The following PRDM7 variants were observed in gnomAD, a reference collection of about 807,000 sequenced individuals.
PRDM7 encodes PR/SET domain 7.
A neutral mutation model predicts 64.3 loss-of-function variants in PRDM7; 52 were observed. The ratio of observed to expected loss-of-function variants is 0.81; its 90% confidence interval spans 0.65 to 1.02. PRDM7 has a LOEUF of 1.02. Among genes scored for constraint, PRDM7 ranks in the 50% least tolerant of loss-of-function variants. The pLI is 0.00. For synonymous variants in PRDM7, 192 were observed against 210.1 expected (o/e 0.91, Z 0.74); for missense variants, 574 against 597.1 (o/e 0.96, Z 0.40).
intron 4 of PRDM7, chr16:90,070,023 C>G (rs1439365902): frequency 6.4e-6 from 1 of 155,412 alleles, no homozygotes; most frequent in African/African-American, 2.6e-5. Context: ...CCATTGCACT[C>G]CAGCCGGGGT....
chr16:90,058,094 A>G lies in PRDM7; in HGVS notation c.*195T>C. The G allele has an allele frequency of 4.3e-6, 7 of 1,613,630 alleles. No individual in the cohort carries two copies. Among genetic ancestry groups the G allele is most frequent in the African/African-American group, 1.3e-5 (1 of 74,936 alleles). ...GACTTATCACTGAAACCTTGCCCAC[A>G]CTCTCCATATTTGACTTTCGCAATT... On this transcript the variant is annotated 3_prime_UTR_variant, in exon 11 of 11. Transcript: ENST00000449207.
Position 90,057,605 on chromosome 16 carries a change from C to T in PRDM7, c.*684G>A. 2.5e-6 allele frequency: 2 copies of T among 796,016 alleles called. No homozygotes were observed. Among genetic ancestry groups the T allele is most frequent in the Admixed American group, 3.8e-5 (1 of 26,018 alleles). 49.3% of individuals were successfully genotyped at this position (796,016 alleles called of 1,614,324 possible). On this transcript the variant is annotated 3_prime_UTR_variant, in exon 11 of 11. Coordinates refer to ENST00000449207, the MANE Select transcript of PRDM7 (RefSeq NM_001098173.2). ...AGGGGATCAGTGCGGGAAACAACCA[C>T]ACATGTTGACGTCCCCCGAACACTT...
chr16:90,057,789 C>A lies in PRDM7; in HGVS notation c.*500G>T. ...CTGGGGTGTGCAAGTGTGTGGTGAT[C>A]ACGTTTGTCTTCTTGTGGCTATTGA... On this transcript the variant is annotated 3_prime_UTR_variant, in exon 11 of 11. Coordinates refer to ENST00000449207, the MANE Select transcript of PRDM7 (RefSeq NM_001098173.2). 1 of 1,353,988 alleles carries A rather than the reference C, an allele frequency of 7.4e-7. No individual in the cohort carries two copies. The highest frequency in any genetic ancestry group is 1.2e-5 in the South Asian group (1 of 82,272). The allele number at this position is 1,353,988 out of a possible 1,614,324, so 83.9% of individuals were successfully genotyped here.
At position 90,075,842 on chromosome 16, in the gene PRDM7, C is replaced by T. The variant is rs2038029293; in HGVS notation, c.69G>A (p.Met23Ile). 6.2e-7 allele frequency: 1 copy of T among 1,613,746 alleles called. No homozygotes were observed. Residue 23 changes from methionine (M) to isoleucine (I), a missense_variant and splice_region_variant, in exon 2 of 11, where the codon ATG (methionine) becomes ATA (isoleucine). Transcript: ENST00000449207. This position sits in a 1 kb window ranked among gnomAD's most constrained non-coding sequence, Gnocchi z 4.3. ...GDTERTERKPMVKDAFKDISI... is the reference protein window; with the variant it reads ...GDTERTERKPIVKDAFKDISI... ...TGGCTTCGCCTCCCCGACTTCTCACCATGGGCTTCCGCTCTGTTCTCTCTG... is the reference window on the plus strand; with the variant it reads ...TGGCTTCGCCTCCCCGACTTCTCACTATGGGCTTCCGCTCTGTTCTCTCTG...
Position 90,075,716 on chromosome 16 carries a change from C to T in PRDM7, c.69+126G>A. 1 of 1,348,810 alleles carries T rather than the reference C, an allele frequency of 7.4e-7. No homozygotes were observed. Among genetic ancestry groups the T allele is most frequent in the Non-Finnish European group, 1.0e-6 (1 of 966,480 alleles). 83.6% of individuals were successfully genotyped at this position (1,348,810 alleles called of 1,614,324 possible). ...GTTCTTTTCTCCCCCATGTCCTGGCCAGGACCAGCTGCCCCCATTCCATGC... is the reference window on the plus strand; with the variant it reads ...GTTCTTTTCTCCCCCATGTCCTGGCTAGGACCAGCTGCCCCCATTCCATGC... On this transcript the variant is annotated intron_variant, in intron 2 of 10. Coordinates refer to ENST00000449207, the MANE Select transcript of PRDM7 (RefSeq NM_001098173.2). This position sits in a 1 kb window ranked among gnomAD's most constrained non-coding sequence, Gnocchi z 4.3.
intron 5 of PRDM7, among the ~76,000 whole-genome samples, chr16:90,065,613 T>C (rs1393876331): frequency 6.6e-6 from 1 of 150,488 alleles, no homozygotes; most frequent in Non-Finnish European, 1.5e-5. Context: ...TGCATGCCTG[T>C]GGTCCCAGCT....
chr16:90,059,119 TTTAA>T (rs1357388777), intron 10 of PRDM7, among the ~76,000 whole-genome samples: 1 of 152,158 alleles, frequency 6.6e-6, no homozygotes, highest in Admixed American at 6.5e-5. Flanking sequence ...AAAGGACATA[TTTAA>T]TTGAGGACTG....
chr16:90,064,097 C>T (rs759903126), intron 5 of PRDM7, among the ~76,000 whole-genome samples: 11 of 152,140 alleles, frequency 7.2e-5, no homozygotes, highest in Non-Finnish European at 1.5e-4. Flanking sequence ...AGGGAATCTT[C>T]CATAAACTAG....
intron 4 of PRDM7, among the ~76,000 whole-genome samples, chr16:90,069,144 A>G (rs1362699068): frequency 6.6e-6 from 1 of 151,336 alleles, no homozygotes; most frequent in Non-Finnish European, 1.5e-5. Context: ...AAAGTATGGT[A>G]CTGGTATAAA....
intron 4 of PRDM7, 56 bp from the exon 5 acceptor site, chr16:90,066,966 GA>G: frequency 6.8e-7 from 1 of 1,466,690 alleles, no homozygotes; most frequent in Admixed American, 1.7e-5. Context: ...AAACTCTAGA[GA>G]TTTTTTTTTC....
Position 90,075,732 on chromosome 16 carries a change from C to T in PRDM7, c.69+110G>A, listed in dbSNP as rs1293946880. ...TGTCCTGGCCAGGACCAGCTGCCCCCATTCCATGCACATTCAGACAGAGTC... is the reference window on the plus strand; with the variant it reads ...TGTCCTGGCCAGGACCAGCTGCCCCTATTCCATGCACATTCAGACAGAGTC... On this transcript the variant is annotated intron_variant, in intron 2 of 10. Coordinates refer to ENST00000449207, the MANE Select transcript of PRDM7 (RefSeq NM_001098173.2). This position sits in a 1 kb window ranked among gnomAD's most constrained non-coding sequence, Gnocchi z 4.3. 6 of 1,415,952 alleles carry T rather than the reference C, an allele frequency of 4.2e-6. No individual in the cohort carries two copies. The highest frequency in any genetic ancestry group is 1.4e-5 in the African/African-American group (1 of 70,114). 87.7% of individuals were successfully genotyped at this position (1,415,952 alleles called of 1,614,324 possible).
chr16:90,057,771 G>A lies in PRDM7; in HGVS notation c.*518C>T, dbSNP rs2037706238. 1.5e-6 allele frequency: 2 copies of A among 1,323,666 alleles called. No homozygotes were observed. The highest frequency in any genetic ancestry group is 2.0e-6 in the Non-Finnish European group (2 of 1,004,878). 82.0% of individuals were successfully genotyped at this position (1,323,666 alleles called of 1,614,324 possible). A position where few individuals can be genotyped will look rare whatever the true frequency, so the allele number is the denominator to read the frequency against. On this transcript the variant is annotated 3_prime_UTR_variant, in exon 11 of 11. Transcript: ENST00000449207. ...GCTGAAGCCACCTCAGAGCTGGGGTGTGCAAGTGTGTGGTGATCACGTTTG... is the reference window on the plus strand; with the variant it reads ...GCTGAAGCCACCTCAGAGCTGGGGTATGCAAGTGTGTGGTGATCACGTTTG...
At chr16:90,058,626 T>C (rs1362648461) in intron 10 of PRDM7, 92 bp from the exon 11 acceptor site, 1 of 1,454,680 alleles carries the variant, frequency 6.9e-7, no homozygotes, top group Non-Finnish European at 9.7e-7. Flanking sequence ...CCAGTCATTC[T>C]TCATATGTTA....
intron 4 of PRDM7, among the ~76,000 whole-genome samples, chr16:90,072,006 G>A (rs1157805309): frequency 2.0e-5 from 3 of 152,132 alleles, no homozygotes; most frequent in African/African-American, 4.8e-5. Flanking sequence ...TGAGGCAGGC[G>A]GATCATGAGG....
rs1383920516 is a variant in PRDM7, at chr16:90,057,816, A to G, written c.*473T>C. On this transcript the variant is annotated 3_prime_UTR_variant, in exon 11 of 11. Transcript: ENST00000449207. ...CGTTTGTCTTCTTGTGGCTATTGAG[A>G]TAAGGTTTTATTACTAATGACTTAC... The G allele has an allele frequency of 1.4e-6, 2 of 1,430,066 alleles. No individual in the cohort carries two copies. Among genetic ancestry groups the G allele is most frequent in the African/African-American group, 2.8e-5 (2 of 70,460 alleles). 88.6% of individuals were successfully genotyped at this position (1,430,066 alleles called of 1,614,324 possible).
chr16:90,071,766 C>T (rs1333664099), intron 4 of PRDM7, among the ~76,000 whole-genome samples: 2 of 152,218 alleles, frequency 1.3e-5, no homozygotes, highest in Admixed American at 6.5e-5. Flanking sequence ...AACTTCCACA[C>T]ATTCAAACCA....
intron 1 of PRDM7, among the ~76,000 whole-genome samples, chr16:90,076,804 G>A (rs568113086): frequency 6.6e-6 from 1 of 152,062 alleles, no homozygotes; most frequent in Admixed American, 6.5e-5. Flanking sequence ...AGGAGATTTG[G>A]GTCTCTCATT....
chr16:90,064,602 C>CCTAGGCACTCTGATTTTTTACTACCA (rs1567877043), intron 5 of PRDM7, among the ~76,000 whole-genome samples: 5 of 151,082 alleles, frequency 3.3e-5, no homozygotes, highest in African/African-American at 9.8e-5. Flanking sequence ...TTATTAGAGA[C>CCTAGGCACTCTGATTTTTTACTACCA]GGGGTTTCGC....
intron 4 of PRDM7, among the ~76,000 whole-genome samples, chr16:90,070,595 C>G (rs1473957639): frequency 3.3e-5 from 5 of 150,934 alleles, no homozygotes; most frequent in Non-Finnish European, 7.4e-5. Context: ...AAAAAATCTT[C>G]TAGTAGGTAT....
Sources: allele counts gnomAD v4.1 joint callset (sites outside exome capture counted in the v4.1 genomes callset), GRCh38; gene constraint gnomAD v4.1.1; non-coding constraint Gnocchi (gnomAD v3.1); transcripts MANE v1.5; gene names NCBI Gene and HGNC (gene_info 2026-07-23, HGNC 2026-07-21).